The following PHF20 variants were observed in gnomAD, a reference collection of about 807,000 sequenced individuals.
PHF20 encodes the protein PHD finger protein 20.
A neutral mutation model predicts 113.5 loss-of-function variants in PHF20; 23 were observed. That is an observed-to-expected ratio of 0.20 (90% CI 0.15 to 0.29). PHF20 has a LOEUF of 0.29. Among genes scored for constraint, PHF20 ranks in the 10% least tolerant of loss-of-function variants. The pLI is 1.00. For missense variants in PHF20, 943 were observed against 1,219.6 expected (o/e 0.77, Z 3.38); for synonymous variants, 434 against 457.3 (o/e 0.95, Z 0.65).
At chr20:35,944,018 T>C (rs2056040394) in intron 17 of PHF20, among the ~76,000 whole-genome samples, 1 of 152,214 alleles carries the variant, frequency 6.6e-6, no homozygotes, top group South Asian at 2.1e-4. Flanking sequence ...AAATAAAAAA[T>C]GTTGCCTTGG....
At chr20:35,921,629 AG>A (rs1023427042) in intron 13 of PHF20, among the ~76,000 whole-genome samples, 1 of 152,062 alleles carries the variant, frequency 6.6e-6, no homozygotes, top group Non-Finnish European at 1.5e-5. Context: ...GGCTGCAGCG[AG>A]CCCTGGTTAT....
At chr20:35,889,422 C>T (rs897923156) in intron 9 of PHF20, among the ~76,000 whole-genome samples, 6 of 151,704 alleles carry the variant, frequency 4.0e-5, no homozygotes, top group Non-Finnish European at 8.8e-5. Context: ...AGTGCAGTGG[C>T]ACAATCTCAG....
At chr20:35,844,393 C>T (rs961464256) in intron 3 of PHF20, among the ~76,000 whole-genome samples, 14 of 150,072 alleles carry the variant, frequency 9.3e-5, no homozygotes, top group African/African-American at 2.2e-4. Context: ...TGAGCCACCG[C>T]GCCCAGCCGG....
chr20:35,860,275 C>T, intron 5 of PHF20, among the ~76,000 whole-genome samples: 1 of 144,086 alleles, frequency 6.9e-6, no homozygotes, highest in Non-Finnish European at 1.5e-5. Context: ...GAGTCTCACT[C>T]TGTAGCCTAG....
intron 14 of PHF20, among the ~76,000 whole-genome samples, chr20:35,928,254 T>C (rs1212085628): frequency 6.6e-6 from 1 of 151,154 alleles, no homozygotes; most frequent in Non-Finnish European, 1.5e-5. Flanking sequence ...GCCTGGCCAA[T>C]GTGGTGAAAC....
chr20:35,852,768 T>C (rs2042758262), intron 4 of PHF20, among the ~76,000 whole-genome samples: 1 of 151,732 alleles, frequency 6.6e-6, no homozygotes, highest in Admixed American at 6.6e-5. Context: ...CTGGCTAATA[T>C]TTGCATTTTT....
intron 9 of PHF20, among the ~76,000 whole-genome samples, chr20:35,873,305 T>C (rs2054456334): frequency 1.3e-5 from 2 of 151,864 alleles, no homozygotes; most frequent in African/African-American, 4.8e-5. Context: ...CTCTCCGTGT[T>C]GACCAGGTTG....
chr20:35,849,279 T>G, intron 4 of PHF20: 1 of 363,080 alleles, frequency 2.8e-6, no homozygotes, highest in Non-Finnish European at 5.5e-6. Flanking sequence ...ATGAAGATAA[T>G]TAATGCCTCT....
At chr20:35,889,172 C>T (rs1298024656) in intron 9 of PHF20, among the ~76,000 whole-genome samples, 3 of 151,696 alleles carry the variant, frequency 2.0e-5, no homozygotes, top group East Asian at 1.9e-4. Flanking sequence ...CACACCACCA[C>T]GCTCAGCTAA....
At chr20:35,901,165 CT>C (rs1335707889) in intron 10 of PHF20, among the ~76,000 whole-genome samples, 1 of 151,964 alleles carries the variant, frequency 6.6e-6, no homozygotes, top group Non-Finnish European at 1.5e-5. Context: ...TGGCTCACAC[CT>C]GAAATCCCAG....
At chr20:35,811,745 C>A (rs1228244391) in intron 2 of PHF20, among the ~76,000 whole-genome samples, 1 of 147,362 alleles carries the variant, frequency 6.8e-6, no homozygotes. Context: ...CGGCCCAGTC[C>A]CTGCTTTTTA....
At chr20:35,804,958 G>A (rs1278191710) in intron 2 of PHF20, among the ~76,000 whole-genome samples, 8 of 152,150 alleles carry the variant, frequency 5.3e-5, no homozygotes, top group African/African-American at 1.9e-4. Context: ...CTGTAATGCA[G>A]GGTCGTGATC....
At chr20:35,935,627 A>G (rs928489505) in intron 15 of PHF20, among the ~76,000 whole-genome samples, 5 of 152,144 alleles carry the variant, frequency 3.3e-5, no homozygotes, top group Non-Finnish European at 5.9e-5. Flanking sequence ...TCGGCCTCCT[A>G]AAGTGCTGGG....
At chr20:35,897,579 T>C (rs1165789600) in intron 9 of PHF20, among the ~76,000 whole-genome samples, 2 of 147,938 alleles carry the variant, frequency 1.4e-5, no homozygotes, top group Non-Finnish European at 3.0e-5. Context: ...TTTTTTTTTT[T>C]TTTCTGAGAC....
chr20:35,842,441 TAC>T, intron 2 of PHF20, 130 bp from the exon 3 acceptor site: 1 of 737,422 alleles, frequency 1.4e-6, no homozygotes, highest in East Asian at 2.6e-5. Context: ...TTGACCCAAC[TAC>T]ACAGAGTCTC....
At chr20:35,860,063 C>T (rs985423075) in intron 5 of PHF20, among the ~76,000 whole-genome samples, 3 of 152,042 alleles carry the variant, frequency 2.0e-5, no homozygotes, top group Non-Finnish European at 4.4e-5. Flanking sequence ...GGATTACAGG[C>T]ATGTGCCACT....
At chr20:35,940,809 A>G in intron 16 of PHF20, 55 bp from the exon 17 acceptor site, 1 of 1,468,850 alleles carries the variant, frequency 6.8e-7, no homozygotes, top group Non-Finnish European at 9.3e-7. Context: ...GGCTGGTTGA[A>G]AAATGGGCCA....
intron 10 of PHF20, among the ~76,000 whole-genome samples, chr20:35,903,077 C>CTTTTTTT (rs376888832): frequency 3.3e-5 from 2 of 60,000 alleles, no homozygotes; most frequent in African/African-American, 1.3e-4. Context: ...CCTATCCTTT[C>CTTTTTTT]TTTTTTTTTT....
At chr20:35,910,421 C>A (rs2055277074) in intron 10 of PHF20, among the ~76,000 whole-genome samples, 1 of 152,112 alleles carries the variant, frequency 6.6e-6, no homozygotes, top group Non-Finnish European at 1.5e-5. Flanking sequence ...CTTAATTGTA[C>A]AATGAACTAC....
Sources: gnomAD v4.1 joint callset for allele counts (sites outside exome capture counted in the v4.1 genomes callset) on GRCh38, gnomAD v4.1.1 for gene constraint, MANE v1.5 for transcripts, NCBI Gene and HGNC (gene_info 2026-07-23, HGNC 2026-07-21) for gene names.